NTRK2: variants seen among roughly 807,000 people sequenced by gnomAD.
NTRK2 encodes the protein BDNF/NT-3 growth factors receptor.
In NTRK2, 13 loss-of-function variants were observed where a neutral mutation model predicts 94.5. The ratio of observed to expected loss-of-function variants is 0.14; its 90% CI spans 0.09 to 0.22. The LOEUF is 0.22. Among genes scored for constraint, NTRK2 ranks in the 10% least tolerant of loss-of-function variants. The pLI is 1.00. For missense variants in NTRK2, 639 were observed against 1,071.2 expected (o/e 0.60, Z 5.63); for synonymous variants, 372 against 407.4 (o/e 0.91, Z 1.05).
At chr9:84,812,775 A>T in intron 12 of NTRK2, 1 of 1,040,160 alleles carries the variant, frequency 9.6e-7, no homozygotes, top group Non-Finnish European at 1.2e-6. Context: ...AAAAATAAAA[A>T]AAAAGGAATA....
chr9:84,697,145 G>T (rs765445685), intron 2 of NTRK2, among the ~76,000 whole-genome samples: 1 of 152,142 alleles, frequency 6.6e-6, no homozygotes, highest in Non-Finnish European at 1.5e-5. Flanking sequence ...CATGCCTCTT[G>T]GTCACTATTT....
At chr9:84,809,494 A>C (rs576179744) in intron 12 of NTRK2, among the ~76,000 whole-genome samples, 5 of 150,428 alleles carry the variant, frequency 3.3e-5, no homozygotes, top group Admixed American at 6.6e-5. Flanking sequence ...ATGCTATATA[A>C]GTTATATAAT....
intron 9 of NTRK2, among the ~76,000 whole-genome samples, chr9:84,738,789 C>G (rs2063430674): frequency 6.6e-6 from 1 of 152,154 alleles, no homozygotes; most frequent in Non-Finnish European, 1.5e-5. Context: ...GAAATAAAAG[C>G]AACTCTGTTA....
At chr9:84,874,326 A>G (rs200647107) in intron 14 of NTRK2, 146 of 1,065,142 alleles carry the variant, frequency 1.4e-4, no homozygotes, top group Non-Finnish European at 1.5e-4. Flanking sequence ...CTTGGATGTG[A>G]GGCTCAATCC....
At chr9:84,854,673 G>A (rs373546797) in intron 12 of NTRK2, among the ~76,000 whole-genome samples, 2 of 152,026 alleles carry the variant, frequency 1.3e-5, no homozygotes, top group Non-Finnish European at 1.5e-5. Flanking sequence ...AGGGCCGGGC[G>A]CGGTGGCTCA....
intron 17 of NTRK2, among the ~76,000 whole-genome samples, chr9:84,990,941 A>G (rs1207623544): frequency 6.6e-6 from 1 of 151,944 alleles, no homozygotes; most frequent in Non-Finnish European, 1.5e-5. Flanking sequence ...TTTTAAAATT[A>G]TTGAAGAGGA....
At chr9:84,992,263 T>C (rs536814574) in intron 17 of NTRK2, among the ~76,000 whole-genome samples, 1 of 152,196 alleles carries the variant, frequency 6.6e-6, no homozygotes, top group East Asian at 1.9e-4. Flanking sequence ...CACACTTTCA[T>C]AGGCAGATGT....
Position 84,690,718 on chromosome 9 carries a change from C to CA in NTRK2, c.213-11430dup, listed in dbSNP as rs71499831. Reference sequence around the variant, plus strand: ...TGGGCGACAGAGTGAGACTCCATCTCAAAAAAAAAAATAAAAAAAATGATA... The same window carrying CA: ...TGGGCGACAGAGTGAGACTCCATCTCAAAAAAAAAAAATAAAAAAAATGATA... On this transcript the variant is annotated intron_variant, in intron 2 of 18. Transcript: ENST00000277120. 9.8e-3 allele frequency among the ~76,000 whole-genome samples: 1,273 copies of CA among 130,184 alleles called. 21 individuals carry two copies. Among genetic ancestry groups the CA allele is most frequent in the African/African-American group, 0.03 (1,041 of 34,852 alleles). The allele number at this position is 130,184 out of a possible 152,430, so 85.4% of individuals were successfully genotyped here. A position where few individuals can be genotyped will look rare whatever the true frequency, so the allele number is the denominator to read the frequency against.
intron 17 of NTRK2, among the ~76,000 whole-genome samples, chr9:84,987,287 A>T (rs1353608688): frequency 6.6e-6 from 1 of 152,216 alleles, no homozygotes; most frequent in Non-Finnish European, 1.5e-5. Flanking sequence ...TAGTGAGTAC[A>T]TTTGAATGAC....
chr9:84,821,074 G>A (rs2072784043), intron 12 of NTRK2, among the ~76,000 whole-genome samples: 1 of 152,084 alleles, frequency 6.6e-6, no homozygotes, highest in South Asian at 2.1e-4. Context: ...GTAAATGCAT[G>A]AAGTATCCCT....
intron 14 of NTRK2, among the ~76,000 whole-genome samples, chr9:84,879,298 T>A (rs1224026699): frequency 6.6e-6 from 1 of 152,088 alleles, no homozygotes; most frequent in Admixed American, 6.6e-5. Flanking sequence ...ATGGATAAAA[T>A]TTTTAAAAAA....
At position 84,934,143 on chromosome 9, in the gene NTRK2, TTC is replaced by T; in HGVS notation, c.1634-17_1634-16del. ...CCACATGCTTCAATTCCAATTTCCA[TTC>T]TGTCTTTGTTTTGCAGTTGTTCAGC... On this transcript the variant is annotated splice_polypyrimidine_tract_variant and intron_variant, in intron 14 of 18. Transcript: ENST00000277120. 1 of 1,613,586 alleles carries T rather than the reference TTC, an allele frequency of 6.2e-7. No individual in the cohort carries two copies. Among genetic ancestry groups the T allele is most frequent in the Non-Finnish European group, 8.5e-7 (1 of 1,179,654 alleles).
chr9:85,013,775 G>T (rs2133542981), intron 17 of NTRK2, among the ~76,000 whole-genome samples: 1 of 152,330 alleles, frequency 6.6e-6, no homozygotes, highest in East Asian at 1.9e-4. Flanking sequence ...AAAAGCCTCT[G>T]ACAGCTAATC....
At chr9:84,797,521 T>TG (rs2069482111) in intron 12 of NTRK2, among the ~76,000 whole-genome samples, 3 of 100,942 alleles carry the variant, frequency 3.0e-5, no homozygotes, top group African/African-American at 1.3e-4. Flanking sequence ...ACTATTATTA[T>TG]TACTATAATA....
intron 12 of NTRK2, among the ~76,000 whole-genome samples, chr9:84,847,329 CT>C (rs1687335377): frequency 1.3e-5 from 2 of 152,318 alleles, no homozygotes; most frequent in Admixed American, 1.3e-4. Context: ...TGCCCAATCC[CT>C]GTGTTAGTTT....
chr9:84,711,096 T>C (rs2061393199), intron 6 of NTRK2, among the ~76,000 whole-genome samples: 2 of 152,214 alleles, frequency 1.3e-5, no homozygotes, highest in Admixed American at 1.3e-4. Flanking sequence ...TATCCACCCA[T>C]CCATCTGTGC....
intron 14 of NTRK2, chr9:84,872,041 A>T: frequency 2.1e-6 from 3 of 1,437,346 alleles, no homozygotes; most frequent in Non-Finnish European, 2.7e-6. Context: ...ATGCCACTTT[A>T]ACTATAGACC....
intron 12 of NTRK2, among the ~76,000 whole-genome samples, chr9:84,798,374 A>C (rs566575192): frequency 6.6e-6 from 1 of 152,308 alleles, no homozygotes; most frequent in African/African-American, 2.4e-5. Context: ...GAGGGGTATT[A>C]ATTTTCATAT....
chr9:84,749,406 AG>A (rs1437320844), intron 11 of NTRK2, among the ~76,000 whole-genome samples: 1 of 152,180 alleles, frequency 6.6e-6, no homozygotes, highest in African/African-American at 2.4e-5. Flanking sequence ...CTGACATGAA[AG>A]ATGGTGTCCT....
Sources: gnomAD v4.1 joint callset for allele counts (sites outside exome capture counted in the v4.1 genomes callset) on GRCh38, gnomAD v4.1.1 for gene constraint, MANE v1.5 for transcripts, NCBI Gene and HGNC (gene_info 2026-07-23, HGNC 2026-07-21) for gene names.